Variants in ZFR2 observed in about 807,000 individuals in gnomAD.
ZFR2 encodes the protein zinc finger RNA-binding protein 2.
ZFR2 carries 104 observed loss-of-function variants against 105.7 expected under a neutral mutation model. The ratio of observed to expected loss-of-function variants is 0.98; its 90% CI spans 0.84 to 1.16. The LOEUF is 1.16. Ranked by LOEUF, ZFR2 falls within the 50% of genes most tolerant of loss-of-function variation. The pLI is 0.00. For missense variants in ZFR2, 1,425 were observed against 1,355.5 expected, an observed-to-expected ratio of 1.05 and a Z score of -0.80; for synonymous variants, 634 against 597.7, an observed-to-expected ratio of 1.06 and a Z score of -0.89.
chr19:3,866,119 G>A (rs1431404765), intron 1 of ZFR2, among the ~76,000 whole-genome samples: 1 of 152,176 alleles, frequency 6.6e-6, no homozygotes, highest in Admixed American at 6.5e-5. Flanking sequence ...TGGGTTTACA[G>A]GCTGAGTCAC....
At chr19:3,864,738 C>G (rs139099710) in intron 1 of ZFR2, among the ~76,000 whole-genome samples, 1 of 152,086 alleles carries the variant, frequency 6.6e-6, no homozygotes, top group African/African-American at 2.4e-5. Context: ...CTCTTCTCTT[C>G]TCTTTTCTTT....
At position 3,808,993 on chromosome 19, in the gene ZFR2, A is replaced by G; in HGVS notation, c.2434-10T>C. ...CCAGCAGCTCCATGGCCTGGTGGGG[A>G]CAGAAGAGCAGTTGCTGTGTTTTGG... On this transcript the variant is annotated splice_polypyrimidine_tract_variant and intron_variant, in intron 16 of 18. Coordinates refer to ENST00000262961, the MANE Select transcript of ZFR2 (RefSeq NM_015174.2). 2 of 1,535,958 alleles carry G rather than the reference A, an allele frequency of 1.3e-6. No homozygotes were observed. The highest frequency in any genetic ancestry group is 1.7e-6 in the Non-Finnish European group (2 of 1,143,988).
chr19:3,815,958 T>C (rs1382672972), intron 13 of ZFR2, among the ~76,000 whole-genome samples: 1 of 151,976 alleles, frequency 6.6e-6, no homozygotes, highest in African/African-American at 2.4e-5. Context: ...GGTTTCACCG[T>C]GTTAGCCAGG....
Position 3,831,660 on chromosome 19 carries a change from C to T in ZFR2, c.598G>A (p.Ala200Thr), listed in dbSNP as rs1473434718. 6.5e-7 allele frequency: 1 copy of T among 1,540,350 alleles called. No homozygotes were observed. Among genetic ancestry groups the T allele is most frequent in the Admixed American group, 1.9e-5 (1 of 51,510 alleles). ...SYNPTCTAYT[A>T]PSYPNYDASV... ...CCTGGGCAAGGAACGCTGGTCTTAC[C>T]CGTGTAGGCGGTGCAGGTGGGGTTG... Residue 200 changes from alanine (A) to threonine (T), a missense_variant and splice_region_variant, in exon 4 of 19, where the codon GCA becomes ACA. Physicochemically the swap from Ala to Thr is moderately conservative, Grantham distance 58 (BLOSUM62 0). Coordinates refer to ENST00000262961, the MANE Select transcript of ZFR2 (RefSeq NM_015174.2).
At position 3,827,488 on chromosome 19, in the gene ZFR2, C is replaced by G. The variant is rs745572058; in HGVS notation, c.1018G>C (p.Gly340Arg). The change falls in exon 6 of 19, where the codon GGA (glycine) becomes CGA (arginine). Residue 340 changes from glycine (G) to arginine (R), a missense_variant. Gly to Arg is a moderately radical substitution (Grantham distance 125). Transcript: ENST00000262961. ...GGCCGTACCTTCTGGTGCTTGGATC[C>G]CCGGATGTGGGCCGCGTAGGCGTCC... The part of the protein sequence containing the change: ...GADAYAAHIR[G>R]SKHQKVFKLH... The G allele has an allele frequency of 4.2e-4, 649 of 1,550,696 alleles. 1 individual carries two copies. The highest frequency in any genetic ancestry group is 5.3e-4 in the Non-Finnish European group (606 of 1,147,914).
intron 1 of ZFR2, among the ~76,000 whole-genome samples, chr19:3,841,266 G>A (rs1253709879): frequency 6.6e-6 from 1 of 152,238 alleles, no homozygotes; most frequent in African/African-American, 2.4e-5. Flanking sequence ...ACGGGTCTTG[G>A]AGAGGAGGCC....
intron 6 of ZFR2, 78 bp from the exon 7 acceptor site, chr19:3,825,485 T>A: frequency 6.7e-7 from 1 of 1,499,576 alleles, no homozygotes; most frequent in East Asian, 2.5e-5. Flanking sequence ...AGGAAGGGCC[T>A]CCACGGGCGT....
chr19:3,868,113 C>A (rs1483159669), intron 1 of ZFR2, among the ~76,000 whole-genome samples: 1 of 125,476 alleles, frequency 8.0e-6, no homozygotes, highest in Non-Finnish European at 1.7e-5. Flanking sequence ...GGTCTGAATT[C>A]TCTCCCCCTA....
chr19:3,811,202 G>T, intron 15 of ZFR2, 70 bp downstream of exon 15: 1 of 1,424,282 alleles, frequency 7.0e-7, no homozygotes. Context: ...GCGCCGGGTT[G>T]ACCTGGTGCC....
intron 5 of ZFR2, among the ~76,000 whole-genome samples, chr19:3,830,159 C>G (rs778108759): frequency 6.7e-6 from 1 of 150,262 alleles, no homozygotes; most frequent in Non-Finnish European, 1.5e-5. Context: ...TTTTAAATAG[C>G]CAGGCATGGT....
intron 18 of ZFR2, among the ~76,000 whole-genome samples, chr19:3,806,938 C>G (rs1418277170): frequency 6.6e-6 from 1 of 152,206 alleles, no homozygotes; most frequent in Non-Finnish European, 1.5e-5. Flanking sequence ...GACCTGAGGT[C>G]TGGGCGTCAT....
chr19:3,865,640 G>A (rs569523547), intron 1 of ZFR2, among the ~76,000 whole-genome samples: 4 of 152,156 alleles, frequency 2.6e-5, no homozygotes, highest in Non-Finnish European at 5.9e-5. Context: ...CGACAGGCAT[G>A]AGCCACCATG....
intron 5 of ZFR2, among the ~76,000 whole-genome samples, chr19:3,828,484 A>G (rs2037976787): frequency 6.6e-6 from 1 of 152,182 alleles, no homozygotes; most frequent in Admixed American, 6.5e-5. Flanking sequence ...TCAGAATTCA[A>G]CGTCAGAAAC....
Position 3,849,355 on chromosome 19 carries a change from T to G in ZFR2, c.54-14372A>C, listed in dbSNP as rs377750601. Among the ~76,000 whole-genome samples the G allele has an allele frequency of 1.1e-4, 17 of 152,328 alleles. 2 individuals carry two copies. The highest frequency in any genetic ancestry group is 3.9e-4 in the East Asian group (2 of 5,186). On this transcript the variant is annotated intron_variant, in intron 1 of 18. Coordinates refer to ENST00000262961, the MANE Select transcript of ZFR2 (RefSeq NM_015174.2). The stretch of plus-strand genomic sequence containing the variant: ...CTAAGAGGACAGTGGAGGCGGCTGG[T>G]TGGTGAACTGGCTCCATGGCAGAGA...
Position 3,868,948 on chromosome 19 carries a change from C to T in ZFR2, c.53+17G>A. On this transcript the variant is annotated intron_variant, in intron 1 of 18. Coordinates refer to ENST00000262961, the MANE Select transcript of ZFR2 (RefSeq NM_015174.2). ...AGGGGCCGGGACTGGCGGGGGCTGG[C>T]GCGGCGGGGCAGTTACCTGTACTGC... The T allele has an allele frequency of 7.7e-7, 1 of 1,294,646 alleles. No homozygotes were observed. The highest frequency in any genetic ancestry group is 9.9e-7 in the Non-Finnish European group (1 of 1,014,146). 80.2% of individuals were successfully genotyped at this position (1,294,646 alleles called of 1,614,324 possible). A position where few individuals can be genotyped will look rare whatever the true frequency, so the allele number is the denominator to read the frequency against.
intron 1 of ZFR2, among the ~76,000 whole-genome samples, chr19:3,840,025 A>T (rs2038119660): frequency 6.6e-6 from 1 of 152,050 alleles, no homozygotes; most frequent in African/African-American, 2.4e-5. Context: ...CTTATTGTGT[A>T]TGTCACCCCG....
intron 1 of ZFR2, among the ~76,000 whole-genome samples, chr19:3,850,648 G>A (rs2038228182): frequency 1.3e-5 from 2 of 151,966 alleles, no homozygotes; most frequent in South Asian, 2.1e-4. Context: ...TTGGGAGGCT[G>A]AGGCAGGAGG....
intron 1 of ZFR2, among the ~76,000 whole-genome samples, chr19:3,845,798 A>G (rs553330634): frequency 1.3e-5 from 2 of 152,130 alleles, no homozygotes; most frequent in Admixed American, 1.3e-4. Flanking sequence ...GTCTCAAAAA[A>G]AGAAGAGGAA....
chr19:3,860,994 C>T (rs1258596007), intron 1 of ZFR2, among the ~76,000 whole-genome samples: 1 of 152,150 alleles, frequency 6.6e-6, no homozygotes, highest in Admixed American at 6.5e-5. Context: ...ACAACAGACA[C>T]CACCGGCTCT....
Sources: gnomAD v4.1 joint callset for allele counts (sites outside exome capture counted in the v4.1 genomes callset) on GRCh38, gnomAD v4.1.1 for gene constraint, MANE v1.5 for transcripts, NCBI Gene and HGNC (gene_info 2026-07-23, HGNC 2026-07-21) for gene names.